The following TMEM196 variants were observed in gnomAD, a reference collection of about 807,000 sequenced individuals.
TMEM196 encodes transmembrane protein 196.
TMEM196 carries 17 observed loss-of-function variants against 20.0 expected under a neutral mutation model. The observed-to-expected ratio is 0.85, with a 90% CI of 0.58 to 1.27. The LOEUF (loss-of-function observed/expected upper bound fraction) is 1.27, where lower values mean the gene tolerates loss of function less well. Among genes scored for constraint, TMEM196 ranks in the 50% most tolerant of loss-of-function variants. The pLI is 0.00. For missense variants in TMEM196, 267 were observed against 223.0 expected, an observed-to-expected ratio of 1.20 and a Z score of -1.26; for synonymous variants, 113 against 88.9, an observed-to-expected ratio of 1.27 and a Z score of -1.52.
Position 19,746,616 on chromosome 7 carries a change from A to G in TMEM196, c.148-17178T>C, listed in dbSNP as rs116953403. Among the ~76,000 whole-genome samples, 1,071 of 152,380 alleles carry G rather than the reference A, an allele frequency of 7.0e-3. 8 individuals carry two copies. Among genetic ancestry groups the G allele is most frequent in the Non-Finnish European group, 0.012 (808 of 68,038 alleles). On this transcript the variant is annotated intron_variant, in intron 1 of 4. Transcript: ENST00000405844. The stretch of plus-strand genomic sequence containing the variant: ...TTGGTTAATTAAGGCTACTGAATCC[A>G]GAATTCCAGATAACAGCTTTCTATA...
chr7:19,769,163 T>C (rs553467089), intron 1 of TMEM196, among the ~76,000 whole-genome samples: 2 of 152,258 alleles, frequency 1.3e-5, no homozygotes, highest in East Asian at 3.9e-4. Context: ...GTAGACTACA[T>C]GTATTGTGAC....
intron 1 of TMEM196, among the ~76,000 whole-genome samples, chr7:19,766,921 G>T (rs966678413): frequency 6.6e-6 from 1 of 152,038 alleles, no homozygotes; most frequent in Non-Finnish European, 1.5e-5. Context: ...TACAGAGACC[G>T]AACTAAGATA....
At chr7:19,755,228 A>G (rs1161209227) in intron 1 of TMEM196, among the ~76,000 whole-genome samples, 37 of 152,346 alleles carry the variant, frequency 2.4e-4, no homozygotes, top group Non-Finnish European at 5.9e-5. Flanking sequence ...TTTAACACTG[A>G]TGCCCTGATC....
chr7:19,757,337 C>CTTTTTTTTTTTT (rs59859025), intron 1 of TMEM196, among the ~76,000 whole-genome samples: 651 of 70,866 alleles, frequency 9.2e-3, no homozygotes, highest in Middle Eastern at 0.017. Flanking sequence ...CCACACCCAG[C>CTTTTTTTTTTTT]TTTTTTTTTT....
intron 1 of TMEM196, among the ~76,000 whole-genome samples, chr7:19,732,409 C>T (rs535274476): frequency 6.6e-6 from 1 of 152,108 alleles, no homozygotes; most frequent in African/African-American, 2.4e-5. Context: ...TCCGTCTCTA[C>T]TAAAAATACA....
Position 19,755,057 on chromosome 7 carries a change from T to C in TMEM196, c.147+17493A>G, listed in dbSNP as rs530713027. On this transcript the variant is annotated intron_variant, in intron 1 of 4. Transcript: ENST00000405844. ...TGTGAAAGTGCTCAATCTTGGGTTA[T>C]GGTACATGGCAGGTGTTAATAAATG... 3.4e-4 allele frequency among the ~76,000 whole-genome samples: 52 copies of C among 152,322 alleles called. 1 individual carries two copies. Among genetic ancestry groups the C allele is most frequent in the Middle Eastern group, 3.4e-3 (1 of 294 alleles).
intron 1 of TMEM196, among the ~76,000 whole-genome samples, chr7:19,752,524 C>CT (rs1485973263): frequency 1.7e-4 from 26 of 152,166 alleles, no homozygotes; most frequent in Non-Finnish European, 3.5e-4. Flanking sequence ...ATCACTCACT[C>CT]TAAGTTCATT....
chr7:19,725,479 G>A, intron 3 of TMEM196, 35 bp downstream of exon 3: 2 of 1,581,574 alleles, frequency 1.3e-6, no homozygotes, highest in Non-Finnish European at 1.7e-6. Context: ...TCTTCATCAT[G>A]TGCTAGCAGT....
rs531527595 is a variant in TMEM196 at position 19,722,119 on chromosome 7, T to G, written c.*9A>C. 1.2e-4 allele frequency: 196 copies of G among 1,609,562 alleles called. 2 individuals carry two copies. In the South Asian group the frequency reaches 1.8e-3, roughly 15 times the overall value. The stretch of plus-strand genomic sequence containing the variant: ...ATCAGCTGTGGTCCTCCATTGCTCA[T>G]GTTGTCTGTTATTTCCTGTTAGAAA... On this transcript the variant is annotated 3_prime_UTR_variant, in exon 5 of 5. Transcript: ENST00000405844.
intron 1 of TMEM196, among the ~76,000 whole-genome samples, chr7:19,765,647 T>C (rs549482741): frequency 3.9e-5 from 6 of 152,324 alleles, no homozygotes; most frequent in Non-Finnish European, 8.8e-5. Flanking sequence ...ATAATTATCT[T>C]GTTAATCTGA....
chr7:19,725,530 T>A lies in TMEM196; in HGVS notation c.443A>T (p.His148Leu), dbSNP rs1783964927. Residue 148 changes from histidine to leucine, a missense_variant, in exon 3 of 5, where the codon CAT becomes CTT. By Grantham distance (99) the His-to-Leu change is moderately conservative. Coordinates refer to ENST00000405844, the MANE Select transcript of TMEM196 (RefSeq NM_001363562.2). ...AAAACTCACTTTCTCAGCCATTTCA[T>A]GAGAGTGATGCAGGGAATGCTCCCT... is the stretch of plus-strand genomic sequence containing the variant. Reference protein sequence around the residue: ...SEREHSLHHSHEMAEKRLRAI... With the variant: ...SEREHSLHHSLEMAEKRLRAI... The A allele has an allele frequency of 1.9e-6, 3 of 1,608,948 alleles. No individual in the cohort carries two copies. Among genetic ancestry groups the A allele is most frequent in the Non-Finnish European group, 2.6e-6 (3 of 1,175,564 alleles).
At chr7:19,747,796 G>T (rs1784814404) in intron 1 of TMEM196, among the ~76,000 whole-genome samples, 1 of 152,140 alleles carries the variant, frequency 6.6e-6, no homozygotes, top group Non-Finnish European at 1.5e-5. Context: ...AAAGACAGCT[G>T]CTGGTTATTT....
intron 1 of TMEM196, among the ~76,000 whole-genome samples, chr7:19,752,236 T>C (rs1785016625): frequency 6.6e-6 from 1 of 152,200 alleles, no homozygotes; most frequent in Non-Finnish European, 1.5e-5. Flanking sequence ...GAAAGAGATC[T>C]AGACTTACAT....
intron 1 of TMEM196, among the ~76,000 whole-genome samples, chr7:19,765,190 TA>T (rs1785580271): frequency 6.6e-6 from 1 of 152,196 alleles, no homozygotes; most frequent in Non-Finnish European, 1.5e-5. Context: ...GAATTATTTC[TA>T]TAGGGTAAAT....
intron 2 of TMEM196, 97 bp downstream of exon 2, chr7:19,729,285 A>G: frequency 1.1e-6 from 1 of 898,698 alleles, no homozygotes; most frequent in East Asian, 3.3e-5. Context: ...CAAACTAGCA[A>G]TATTCAGTAT....
chr7:19,763,488 T>A (rs1159180371), intron 1 of TMEM196, among the ~76,000 whole-genome samples: 1 of 152,158 alleles, frequency 6.6e-6, no homozygotes, highest in Non-Finnish European at 1.5e-5. Flanking sequence ...CCAACATTGA[T>A]CTAAAACAAT....
chr7:19,721,284 C>T lies in TMEM196; in HGVS notation c.*844G>A, dbSNP rs1274343991. 1 of 151,790 alleles carries T rather than the reference C, an allele frequency of 6.6e-6. No individual in the cohort carries two copies. Among genetic ancestry groups the T allele is most frequent in the Non-Finnish European group, 1.5e-5 (1 of 67,768 alleles). 9.4% of individuals were successfully genotyped at this position (151,790 alleles called of 1,614,324 possible). A position where few individuals can be genotyped will look rare whatever the true frequency, so the allele number is the denominator to read the frequency against. On this transcript the variant is annotated 3_prime_UTR_variant, in exon 5 of 5. Transcript: ENST00000405844. ...CAGCATCACAATTTCTTTTCTAATA[C>T]CTATTTACATTCATGTATGCTATAA...
intron 1 of TMEM196, among the ~76,000 whole-genome samples, chr7:19,767,142 A>G (rs1785664063): frequency 6.6e-6 from 1 of 152,112 alleles, no homozygotes; most frequent in African/African-American, 2.4e-5. Context: ...AAATTCCAGT[A>G]TGTGCGATTT....
intron 1 of TMEM196, among the ~76,000 whole-genome samples, chr7:19,768,612 C>T (rs1785730274): frequency 6.6e-6 from 1 of 152,044 alleles, no homozygotes; most frequent in African/African-American, 2.4e-5. Context: ...GCATTTTACT[C>T]AATAGTTTAT....
Sources: gnomAD v4.1 joint callset for allele counts (sites outside exome capture counted in the v4.1 genomes callset) on GRCh38, gnomAD v4.1.1 for gene constraint, MANE v1.5 for transcripts, NCBI Gene and HGNC (gene_info 2026-07-23, HGNC 2026-07-21) for gene names.